Variants in PBX1 observed in about 807,000 individuals in gnomAD.
PBX1 encodes PBX homeobox 1, also known as pre-B-cell leukemia transcription factor 1.
PBX1 carries 6 observed loss-of-function variants against 53.4 expected under a neutral mutation model. The observed-to-expected ratio is 0.11, with a 90% confidence interval of 0.06 to 0.22. The LOEUF is 0.22. Ranked by LOEUF, PBX1 falls within the 10% of genes least tolerant of loss-of-function variation. The pLI, the probability that PBX1 is intolerant of heterozygous loss-of-function variation, is 1.00. For synonymous variants in PBX1, 204 were observed against 212.3 expected (o/e 0.96, Z 0.34); for missense variants, 251 against 551.4 (o/e 0.46, Z 5.46).
At chr1:164,681,543 T>C (rs1329004905) in intron 2 of PBX1, among the ~76,000 whole-genome samples, 1 of 152,188 alleles carries the variant, frequency 6.6e-6, no homozygotes, top group Non-Finnish European at 1.5e-5. Flanking sequence ...CACAGCTGAT[T>C]GTCAGGCCTA....
chr1:164,881,314 A>G, intron 2 of PBX1, among the ~76,000 whole-genome samples: 1 of 105,898 alleles, frequency 9.4e-6, no homozygotes, highest in African/African-American at 3.4e-5. Flanking sequence ...GGAAGGAAGG[A>G]AGGAAGGAAG....
At chr1:164,734,012 G>A (rs1010889057) in intron 2 of PBX1, among the ~76,000 whole-genome samples, 3 of 152,116 alleles carry the variant, frequency 2.0e-5, no homozygotes, top group Non-Finnish European at 2.9e-5. Context: ...ACATATTTAC[G>A]TACCAAATAT....
chr1:164,750,603 G>C (rs1666157522), intron 2 of PBX1, among the ~76,000 whole-genome samples: 1 of 152,188 alleles, frequency 6.6e-6, no homozygotes, highest in South Asian at 2.1e-4. Flanking sequence ...AGCTGCCCTT[G>C]GTTAGCACCA....
intron 2 of PBX1, among the ~76,000 whole-genome samples, chr1:164,590,925 A>G (rs1052010543): frequency 3.3e-5 from 5 of 150,796 alleles, no homozygotes; most frequent in African/African-American, 4.9e-5. Context: ...GCTCACTGCA[A>G]CCTCCGCTTC....
At chr1:164,592,304 T>C (rs559981566) in intron 2 of PBX1, among the ~76,000 whole-genome samples, 45 of 152,330 alleles carry the variant, frequency 3.0e-4, no homozygotes, top group African/African-American at 1.1e-3. Flanking sequence ...TAGAAACACT[T>C]AGCTTTGACG....
chr1:164,603,779 A>G (rs1656338544), intron 2 of PBX1, among the ~76,000 whole-genome samples: 1 of 152,040 alleles, frequency 6.6e-6, no homozygotes, highest in African/African-American at 2.4e-5. Flanking sequence ...TCTTTTATAC[A>G]TTTCAAGTTT....
chr1:164,605,951 T>A (rs558223670), intron 2 of PBX1, among the ~76,000 whole-genome samples: 1 of 152,300 alleles, frequency 6.6e-6, no homozygotes, highest in Non-Finnish European at 1.5e-5. Context: ...ATTCAGACAC[T>A]TTTGGTAATT....
At chr1:164,683,530 G>C (rs1222940669) in intron 2 of PBX1, 1 of 152,160 alleles carries the variant, frequency 6.6e-6, no homozygotes, top group Non-Finnish European at 1.5e-5. Context: ...GGTAGAACTG[G>C]TTTTCAAAAC....
intron 1 of PBX1, chr1:164,560,299 A>G (rs2101679688): frequency 2.5e-6 from 1 of 399,962 alleles, no homozygotes; most frequent in African/African-American, 2.1e-5. Flanking sequence ...CATGCCGAAA[A>G]TACTGCCAAC....
intron 7 of PBX1, 69 bp from the exon 8 acceptor site, chr1:164,821,468 T>C: frequency 8.4e-7 from 1 of 1,190,714 alleles, no homozygotes; most frequent in Non-Finnish European, 1.3e-6. Context: ...GCCTGCCTGA[T>C]GATGATCTGC....
At chr1:164,633,388 G>A (rs1245480658) in intron 2 of PBX1, among the ~76,000 whole-genome samples, 6 of 152,284 alleles carry the variant, frequency 3.9e-5, no homozygotes, top group African/African-American at 1.4e-4. Context: ...GACCTCAGGT[G>A]TTCCACCCAC....
intron 2 of PBX1, chr1:164,674,861 C>CT (rs1332590388): frequency 3.1e-5 from 3 of 96,962 alleles, no homozygotes; most frequent in Non-Finnish European, 7.2e-5. Context: ...CCCCCCCCCC[C>CT]CACCCACCAC....
chr1:164,560,399 C>G (rs772604729), intron 1 of PBX1: 29 of 393,962 alleles, frequency 7.4e-5, no homozygotes, highest in Non-Finnish European at 1.2e-4. Flanking sequence ...CATTCCATGC[C>G]TTCTTGTTGA....
intron 2 of PBX1, among the ~76,000 whole-genome samples, chr1:164,638,534 A>T (rs949164217): frequency 2.0e-5 from 3 of 152,182 alleles, no homozygotes. Context: ...TTTACTCTGC[A>T]TGTGTGAATA....
intron 2 of PBX1, among the ~76,000 whole-genome samples, chr1:164,668,785 T>C (rs1459590002): frequency 6.6e-6 from 1 of 152,264 alleles, no homozygotes; most frequent in Non-Finnish European, 1.5e-5. Context: ...TGAAAGAATG[T>C]GCCGTTTTAA....
In PBX1 at chr1:164,659,207, C is replaced by T. The variant is rs191055352; in HGVS notation, c.265+95896C>T. Among the ~76,000 whole-genome samples, 11 of 152,288 alleles carry T rather than the reference C, an allele frequency of 7.2e-5. No homozygotes were observed. The East Asian group carries it at 1.7e-3, about 24-fold the overall frequency. On this transcript the variant is annotated intron_variant, in intron 2 of 8. Coordinates refer to ENST00000420696, the MANE Select transcript of PBX1 (RefSeq NM_002585.4). ...TTGTTTTAAGCTCTAGAAATCACATCCTGAGAATGTGCCCAGATTTGCAGA... is the reference window on the plus strand; with the variant it reads ...TTGTTTTAAGCTCTAGAAATCACATTCTGAGAATGTGCCCAGATTTGCAGA...
chr1:164,818,777 G>A (rs1670000445), intron 6 of PBX1: 1 of 151,592 alleles, frequency 6.6e-6, no homozygotes, highest in Non-Finnish European at 1.5e-5. Context: ...TCAGAGTTTA[G>A]AGTTCATCAT....
At chr1:164,871,742 A>ATT (rs1672387803) in intron 2 of PBX1, among the ~76,000 whole-genome samples, 1 of 152,144 alleles carries the variant, frequency 6.6e-6, no homozygotes, top group Non-Finnish European at 1.5e-5. Context: ...GTGGCCAAAG[A>ATT]ACCTTCCACT....
chr1:164,753,399 TCTC>T (rs1666332056), intron 2 of PBX1, among the ~76,000 whole-genome samples: 1 of 152,234 alleles, frequency 6.6e-6, no homozygotes, highest in Non-Finnish European at 1.5e-5. Flanking sequence ...GCTATTTAAT[TCTC>T]CTTGTTATCT....
Sources: gnomAD v4.1 joint callset for allele counts (sites outside exome capture counted in the v4.1 genomes callset) on GRCh38, gnomAD v4.1.1 for gene constraint, MANE v1.5 for transcripts, NCBI Gene and HGNC (gene_info 2026-07-23, HGNC 2026-07-21) for gene names.